Variants in MPV17L observed in about 807,000 individuals in gnomAD.
MPV17L encodes the protein mpv17-like protein.
MPV17L carries 24 observed loss-of-function variants against 25.8 expected under a neutral mutation model. That is an observed-to-expected ratio of 0.93 (90% CI 0.67 to 1.31). MPV17L has a LOEUF of 1.31. Among genes scored for constraint, MPV17L ranks in the 50% most tolerant of loss-of-function variants. The probability of loss-of-function intolerance (pLI) is 0.00; values close to 1 mark genes in which losing one functional copy is unlikely to be tolerated. For synonymous variants in MPV17L, 102 were observed against 115.3 expected, an observed-to-expected ratio of 0.88 and a Z score of 0.74; for missense variants, 250 against 265.6, an observed-to-expected ratio of 0.94 and a Z score of 0.41.
At chr16:15,397,982 G>A (rs1006259261) in intron 1 of MPV17L, among the ~76,000 whole-genome samples, 2 of 152,144 alleles carry the variant, frequency 1.3e-5, no homozygotes, top group African/African-American at 4.8e-5. Context: ...TGGTACACTG[G>A]TGAAGGGGTA....
At position 15,410,933 on chromosome 16, in the gene MPV17L, T is replaced by G. The variant is rs750839206; in HGVS notation, c.*2821T>G. On this transcript the variant is annotated 3_prime_UTR_variant, in exon 4 of 4. Coordinates refer to ENST00000396385, the MANE Select transcript of MPV17L (RefSeq NM_001128423.2). ...AATGGTTTCGTAATAAGAAGATACATTTTAACATCAAAACGTAGGCCGGGC... is the reference window on the plus strand; with the variant it reads ...AATGGTTTCGTAATAAGAAGATACAGTTTAACATCAAAACGTAGGCCGGGC... The G allele has an allele frequency of 5.3e-5, 8 of 151,330 alleles. No homozygotes were observed. The highest frequency in any genetic ancestry group is 1.3e-4 in the Admixed American group (2 of 15,244). 9.4% of individuals were successfully genotyped at this position (151,330 alleles called of 1,614,324 possible).
Position 15,395,766 on chromosome 16 carries a change from G to T in MPV17L, c.-132G>T. 1.2e-6 allele frequency: 1 copy of T among 858,184 alleles called. No individual in the cohort carries two copies. Among genetic ancestry groups the T allele is most frequent in the Non-Finnish European group, 1.6e-6 (1 of 615,306 alleles). The allele number at this position is 858,184 out of a possible 1,614,324, so 53.2% of individuals were successfully genotyped here. A position where few individuals can be genotyped will look rare whatever the true frequency, so the allele number is the denominator to read the frequency against. On this transcript the variant is annotated 5_prime_UTR_variant, in exon 1 of 4. Transcript: ENST00000396385. ...GTGTGGGTCGCTCAATCGCTCCGGA[G>T]CTTCTGGAGGGGGCAGATGCAGGTG... is the stretch of plus-strand genomic sequence containing the variant.
chr16:15,396,267 G>A (rs1258170531), intron 1 of MPV17L, 60 bp downstream of exon 1: 2 of 1,521,840 alleles, frequency 1.3e-6, no homozygotes, highest in African/African-American at 2.8e-5. Flanking sequence ...TGGAGGCTGG[G>A]ACTCGGGGAT....
At chr16:15,404,381 C>T (rs1026131081) in intron 2 of MPV17L, among the ~76,000 whole-genome samples, 3 of 152,134 alleles carry the variant, frequency 2.0e-5, no homozygotes, top group Non-Finnish European at 4.4e-5. Flanking sequence ...GGGTGGTTAT[C>T]GTGACCAAGT....
At chr16:15,407,353 A>T (rs1424480264) in intron 2 of MPV17L, among the ~76,000 whole-genome samples, 2 of 152,130 alleles carry the variant, frequency 1.3e-5, no homozygotes, top group African/African-American at 4.8e-5. Flanking sequence ...TAAGTTAATC[A>T]GCTTAGTCTG....
rs1388879483 is a variant in MPV17L at position 15,408,336 on chromosome 16, T to C, written c.*224T>C. The C allele has an allele frequency of 1.5e-5, 6 of 410,860 alleles. No homozygotes were observed. Among genetic ancestry groups the C allele is most frequent in the African/African-American group, 1.2e-4 (6 of 49,420 alleles). 25.5% of individuals were successfully genotyped at this position (410,860 alleles called of 1,614,324 possible). A position where few individuals can be genotyped will look rare whatever the true frequency, so the allele number is the denominator to read the frequency against. On this transcript the variant is annotated 3_prime_UTR_variant, in exon 4 of 4. Transcript: ENST00000396385. ...TACTTCTCTAATATTTTGGTTAATA[T>C]GAATAATAGTGGCAAAATGGCATTT... is the stretch of plus-strand genomic sequence containing the variant.
chr16:15,408,103 G>T lies in MPV17L; in HGVS notation c.582G>T (p.Pro194=). 3 of 1,591,682 alleles carry T rather than the reference G, an allele frequency of 1.9e-6. No homozygotes were observed. The highest frequency in any genetic ancestry group is 2.6e-6 in the Non-Finnish European group (3 of 1,167,178). Reference sequence around the variant, plus strand: ...GGACCAGTGCCACAGAAGGGTACCCGAAGAAATGAGAAGTCAAGGACTCTC... The same window carrying T: ...GGACCAGTGCCACAGAAGGGTACCCTAAGAAATGAGAAGTCAAGGACTCTC... ...TKGTSATEGY[P]KK The change falls in exon 4 of 4, where the codon CCG becomes CCT. Residue 194 remains proline (P), a synonymous_variant. Transcript: ENST00000396385.
In MPV17L at chr16:15,396,101, C is replaced by T; in HGVS notation, c.204C>T (p.Arg68=). ...CCAACTTCAACTACGTGTGGCTGCG[C>T]CTGCTGGAGCGCGCGCTCCCGGGCC... The part of the protein sequence containing the change: ...FHANFNYVWL[R]LLERALPGRA... Residue 68 remains arginine, a synonymous_variant, in exon 1 of 4, where the codon CGC becomes CGT. Transcript: ENST00000396385. The T allele has an allele frequency of 7.1e-6, 11 of 1,545,226 alleles. No individual in the cohort carries two copies. Among genetic ancestry groups the T allele is most frequent in the Non-Finnish European group, 9.6e-6 (11 of 1,146,962 alleles).
At chr16:15,400,751 G>A (rs772738721) in intron 1 of MPV17L, 36 bp from the exon 2 acceptor site, 2 of 1,476,690 alleles carry the variant, frequency 1.4e-6, no homozygotes, top group Non-Finnish European at 1.8e-6. Context: ...GTACTCTACT[G>A]AATCTTTTAA....
chr16:15,396,884 C>A lies in MPV17L; in HGVS notation c.310+677C>A, dbSNP rs1334420584. ...GATCCTTGCCATGGAGGACTATATA[C>A]CTGTGAGGGTTCAGGGAACCCTCTC... On this transcript the variant is annotated intron_variant, in intron 1 of 3. Coordinates refer to ENST00000396385, the MANE Select transcript of MPV17L (RefSeq NM_001128423.2). 2.6e-5 allele frequency among the ~76,000 whole-genome samples: 4 copies of A among 152,074 alleles called. No individual in the cohort carries two copies. In the East Asian group the frequency reaches 7.7e-4, roughly 29 times the overall value.
At chr16:15,397,243 G>A (rs2050594852) in intron 1 of MPV17L, among the ~76,000 whole-genome samples, 1 of 152,126 alleles carries the variant, frequency 6.6e-6, no homozygotes, top group South Asian at 2.1e-4. Context: ...TAGCACATAG[G>A]CTGCATAGGT....
intron 1 of MPV17L, among the ~76,000 whole-genome samples, chr16:15,397,222 AG>A (rs2050594633): frequency 6.6e-6 from 1 of 152,134 alleles, no homozygotes; most frequent in African/African-American, 2.4e-5. Context: ...GGTCCCAGTG[AG>A]TCATGATGCT....
Position 15,412,331 on chromosome 16 carries a change from G to A in MPV17L, c.*4219G>A, listed in dbSNP as rs1220510025. 1 of 151,862 alleles carries A rather than the reference G, an allele frequency of 6.6e-6. No individual in the cohort carries two copies. Among genetic ancestry groups the A allele is most frequent in the Admixed American group, 6.6e-5 (1 of 15,246 alleles). The allele number at this position is 151,862 out of a possible 1,614,324, so 9.4% of individuals were successfully genotyped here. On this transcript the variant is annotated 3_prime_UTR_variant, in exon 4 of 4. Coordinates refer to ENST00000396385, the MANE Select transcript of MPV17L (RefSeq NM_001128423.2). ...GTCCTCCCAGCTACTTGGGGGTGCT[G>A]AGGCAGGAGGATCACTCAAGCCCAG... is the stretch of plus-strand genomic sequence containing the variant.
intron 2 of MPV17L, 151 bp from the exon 3 acceptor site, chr16:15,407,673 C>CAG: frequency 1.5e-6 from 1 of 679,440 alleles, no homozygotes; most frequent in Non-Finnish European, 2.4e-6. Flanking sequence ...ACCCAGGAGG[C>CAG]AGAGGTTGCG....
intron 2 of MPV17L, among the ~76,000 whole-genome samples, chr16:15,402,699 T>C (rs1410539990): frequency 1.3e-5 from 2 of 152,226 alleles, no homozygotes; most frequent in African/African-American, 4.8e-5. Flanking sequence ...TGTTTGTTTT[T>C]TGAGACGGAG....
Position 15,408,986 on chromosome 16 carries a change from T to C in MPV17L, c.*874T>C, listed in dbSNP as rs531228781. 6.6e-6 allele frequency: 1 copy of C among 152,134 alleles called. No homozygotes were observed. Among genetic ancestry groups the C allele is most frequent in the East Asian group, 1.9e-4 (1 of 5,174 alleles). 9.4% of individuals were successfully genotyped at this position (152,134 alleles called of 1,614,324 possible). A position where few individuals can be genotyped will look rare whatever the true frequency, so the allele number is the denominator to read the frequency against. The stretch of plus-strand genomic sequence containing the variant: ...TTAGTAGAGATGAAGTTTCACCGTG[T>C]TGGCCAGGATGGTCTTGATCTCCTG... On this transcript the variant is annotated 3_prime_UTR_variant, in exon 4 of 4. Transcript: ENST00000396385.
intron 1 of MPV17L, among the ~76,000 whole-genome samples, chr16:15,400,349 T>C (rs1157518666): frequency 6.8e-6 from 1 of 146,106 alleles, no homozygotes; most frequent in African/African-American, 2.6e-5. Context: ...ATGTTTTCTT[T>C]TTTTTTTTTT....
Position 15,410,430 on chromosome 16 carries a change from A to C in MPV17L, c.*2318A>C, listed in dbSNP as rs2050723419. On this transcript the variant is annotated 3_prime_UTR_variant, in exon 4 of 4. Coordinates refer to ENST00000396385, the MANE Select transcript of MPV17L (RefSeq NM_001128423.2). ...GCCAGGCGTGGTGGTGGGCGCCTGT[A>C]GTCCCAGCTACTCGGGAGGCTGAGG... 1 of 152,292 alleles carries C rather than the reference A, an allele frequency of 6.6e-6. No homozygotes were observed. The highest frequency in any genetic ancestry group is 1.5e-5 in the Non-Finnish European group (1 of 68,136). 9.4% of individuals were successfully genotyped at this position (152,292 alleles called of 1,614,324 possible).
chr16:15,412,177 C>A lies in MPV17L; in HGVS notation c.*4065C>A, dbSNP rs1279786797. 1 of 152,118 alleles carries A rather than the reference C, an allele frequency of 6.6e-6. No individual in the cohort carries two copies. Among genetic ancestry groups the A allele is most frequent in the Non-Finnish European group, 1.5e-5 (1 of 68,092 alleles). The allele number at this position is 152,118 out of a possible 1,614,324, so 9.4% of individuals were successfully genotyped here. A position where few individuals can be genotyped will look rare whatever the true frequency, so the allele number is the denominator to read the frequency against. On this transcript the variant is annotated 3_prime_UTR_variant, in exon 4 of 4. Coordinates refer to ENST00000396385, the MANE Select transcript of MPV17L (RefSeq NM_001128423.2). Reference sequence around the variant, plus strand: ...GGCCCGGTGGCTCATGCCTGTAATCCCAGCACTTTGGGAGGCCAAGGCGGG... The same window carrying A: ...GGCCCGGTGGCTCATGCCTGTAATCACAGCACTTTGGGAGGCCAAGGCGGG...
Sources: gnomAD v4.1 joint callset for allele counts (sites outside exome capture counted in the v4.1 genomes callset) on GRCh38, gnomAD v4.1.1 for gene constraint, MANE v1.5 for transcripts, NCBI Gene and HGNC (gene_info 2026-07-23, HGNC 2026-07-21) for gene names.